The following CPPED1 variants were observed in gnomAD, a reference collection of about 807,000 sequenced individuals.
CPPED1 encodes the protein calcineurin like phosphoesterase domain containing 1, also known as serine/threonine-protein phosphatase CPPED1.
CPPED1 carries 28 observed loss-of-function variants against 28.0 expected under a neutral mutation model. The ratio of observed to expected loss-of-function variants is 1.00; its 90% CI spans 0.74 to 1.37. The LOEUF (loss-of-function observed/expected upper bound fraction) is 1.37. Ranked by LOEUF, CPPED1 falls within the 40% of genes most tolerant of loss-of-function variation. The pLI, the probability that CPPED1 is intolerant of heterozygous loss-of-function variation, is 0.00. For missense variants in CPPED1, 504 were observed against 416.5 expected (o/e 1.21, Z -1.83); for synonymous variants, 198 against 180.2 (o/e 1.10, Z -0.79).
chr16:12,800,882 C>T (rs538103760), intron 1 of CPPED1, among the ~76,000 whole-genome samples: 21 of 152,022 alleles, frequency 1.4e-4, no homozygotes, highest in South Asian at 2.1e-4. Context: ...AGCAATCAGA[C>T]GAAGCAACAC....
At chr16:12,741,792 C>T (rs181853368) in intron 2 of CPPED1, among the ~76,000 whole-genome samples, 139 of 152,228 alleles carry the variant, frequency 9.1e-4, no homozygotes, top group Middle Eastern at 3.4e-3. Flanking sequence ...GGTTCACGCC[C>T]GTAATCCCAG....
intron 2 of CPPED1, among the ~76,000 whole-genome samples, chr16:12,740,040 A>T (rs765447969): frequency 1.4e-4 from 21 of 152,000 alleles, no homozygotes; most frequent in Non-Finnish European, 5.9e-5. Flanking sequence ...AAAAGAAAAG[A>T]AAAGAAAAGA....
At chr16:12,726,066 A>G (rs184126585) in intron 2 of CPPED1, among the ~76,000 whole-genome samples, 50 of 151,978 alleles carry the variant, frequency 3.3e-4, no homozygotes, top group African/African-American at 1.2e-3. Flanking sequence ...TTATGAGATG[A>G]AGTCTCACTC....
intron 2 of CPPED1, among the ~76,000 whole-genome samples, chr16:12,715,280 C>G (rs757443091): frequency 6.6e-6 from 1 of 152,142 alleles, no homozygotes; most frequent in African/African-American, 2.4e-5. Flanking sequence ...TCTGGGCCCA[C>G]ATAATTTTCA....
At chr16:12,690,871 A>G (rs2079959017) in intron 3 of CPPED1, among the ~76,000 whole-genome samples, 1 of 152,156 alleles carries the variant, frequency 6.6e-6, no homozygotes, top group African/African-American at 2.4e-5. Flanking sequence ...TGGATATCCC[A>G]GTGCTGAGCC....
At chr16:12,801,334 C>G (rs2141249300) in intron 1 of CPPED1, among the ~76,000 whole-genome samples, 1 of 152,302 alleles carries the variant, frequency 6.6e-6, no homozygotes, top group East Asian at 1.9e-4. Context: ...CTCAGGTGAT[C>G]CACCCGCCTC....
intron 2 of CPPED1, among the ~76,000 whole-genome samples, chr16:12,732,493 T>C (rs2080204275): frequency 1.7e-5 from 1 of 58,150 alleles, no homozygotes; most frequent in African/African-American, 9.6e-5. Flanking sequence ...CACACACAGA[T>C]GGAGAGAGAG....
intron 3 of CPPED1, among the ~76,000 whole-genome samples, chr16:12,683,575 C>T (rs1470630304): frequency 6.6e-6 from 1 of 152,204 alleles, no homozygotes; most frequent in Admixed American, 6.5e-5. Flanking sequence ...CCCCAATGCA[C>T]ACCCCTCCTC....
At chr16:12,791,473 C>G (rs1484421199) in intron 1 of CPPED1, among the ~76,000 whole-genome samples, 1 of 152,176 alleles carries the variant, frequency 6.6e-6, no homozygotes, top group African/African-American at 2.4e-5. Flanking sequence ...CACCATCATC[C>G]CTAGTCCCCC....
intron 3 of CPPED1, among the ~76,000 whole-genome samples, chr16:12,672,308 C>T (rs2079856533): frequency 6.6e-6 from 1 of 152,170 alleles, no homozygotes; most frequent in Non-Finnish European, 1.5e-5. Flanking sequence ...TCAGAAATCC[C>T]CAGGGAAAAG....
intron 2 of CPPED1, among the ~76,000 whole-genome samples, chr16:12,724,458 C>T (rs1213507732): frequency 6.6e-6 from 1 of 152,232 alleles, no homozygotes; most frequent in Non-Finnish European, 1.5e-5. Context: ...CATTATCGCG[C>T]AGCTGCCAGC....
At chr16:12,715,403 T>C (rs2080102117) in intron 2 of CPPED1, among the ~76,000 whole-genome samples, 1 of 152,144 alleles carries the variant, frequency 6.6e-6, no homozygotes, top group Non-Finnish European at 1.5e-5. Context: ...CTCACGTCTG[T>C]AATCCCAGCA....
chr16:12,750,326 C>G (rs1052812620), intron 2 of CPPED1, among the ~76,000 whole-genome samples: 12 of 152,200 alleles, frequency 7.9e-5, no homozygotes, highest in African/African-American at 2.7e-4. Context: ...TTAATCATTT[C>G]TAGCTTTCTA....
intron 3 of CPPED1, among the ~76,000 whole-genome samples, chr16:12,702,625 G>T (rs1296587081): frequency 2.6e-5 from 4 of 152,108 alleles, no homozygotes; most frequent in Non-Finnish European, 5.9e-5. Flanking sequence ...GAAAACCACA[G>T]AACTACATAC....
chr16:12,720,795 T>C (rs1206961729), intron 2 of CPPED1, among the ~76,000 whole-genome samples: 1 of 152,258 alleles, frequency 6.6e-6, no homozygotes, highest in Non-Finnish European at 1.5e-5. Context: ...TTTTATTTTA[T>C]ACAAATTCTG....
chr16:12,686,451 C>T (rs570562412), intron 3 of CPPED1, among the ~76,000 whole-genome samples: 25 of 152,238 alleles, frequency 1.6e-4, no homozygotes, highest in Non-Finnish European at 2.5e-4. Flanking sequence ...TCCAAGAGGC[C>T]GCAGAGGGTT....
intron 3 of CPPED1, among the ~76,000 whole-genome samples, chr16:12,680,120 A>G (rs11647868): frequency 0.066 from 10,071 of 152,162 alleles, 400 homozygotes; most frequent in African/African-American, 0.1. Flanking sequence ...TTCCTAAAAA[A>G]ATCATTTAGA....
chr16:12,746,989 T>C (rs1285006956), intron 2 of CPPED1, among the ~76,000 whole-genome samples: 1 of 149,844 alleles, frequency 6.7e-6, no homozygotes, highest in Non-Finnish European at 1.5e-5. Context: ...ACAGACAACA[T>C]ATAGAAAAAT....
chr16:12,701,101 C>T (rs2080018089), intron 3 of CPPED1, among the ~76,000 whole-genome samples: 1 of 151,986 alleles, frequency 6.6e-6, no homozygotes, highest in Non-Finnish European at 1.5e-5. Context: ...TCGTGGCACT[C>T]CCCTGTAGTC....
Sources: gnomAD v4.1 joint callset for allele counts (sites outside exome capture counted in the v4.1 genomes callset) on GRCh38, gnomAD v4.1.1 for gene constraint, MANE v1.5 for transcripts, NCBI Gene and HGNC (gene_info 2026-07-23, HGNC 2026-07-21) for gene names.